HIPK2: variants seen among roughly 807,000 people sequenced by gnomAD.
HIPK2 encodes the protein homeodomain interacting protein kinase 2, also known as homeodomain-interacting protein kinase 2.
Under a neutral mutation model 113.7 loss-of-function variants are expected in HIPK2, and 27 were observed. The observed-to-expected ratio is 0.24, with a 90% CI of 0.17 to 0.33. The LOEUF is 0.33. Among genes scored for constraint, HIPK2 ranks in the 10% least tolerant of loss-of-function variants. The probability of loss-of-function intolerance (pLI) is 1.00; values close to 1 mark genes in which losing one functional copy is unlikely to be tolerated. For synonymous variants in HIPK2, 631 were observed against 642.2 expected (o/e 0.98, Z 0.26); for missense variants, 1,257 against 1,588.0 (o/e 0.79, Z 3.54).
At chr7:139,583,790 T>C in intron 13 of HIPK2, 27 bp downstream of exon 13, 1 of 1,600,554 alleles carries the variant, frequency 6.2e-7, no homozygotes. Context: ...AGGGAGAGGT[T>C]CCTGCCCTGT....
At chr7:139,644,163 T>A (rs1264871319) in intron 2 of HIPK2, among the ~76,000 whole-genome samples, 2 of 152,218 alleles carry the variant, frequency 1.3e-5, no homozygotes, top group East Asian at 3.8e-4. Context: ...TTTTAAATGT[T>A]TTTATCTTTT....
chr7:139,762,035 T>A (rs909677670), intron 1 of HIPK2, among the ~76,000 whole-genome samples: 1 of 152,312 alleles, frequency 6.6e-6, no homozygotes, highest in East Asian at 1.9e-4. Flanking sequence ...GTTATTTCTG[T>A]ACTAAATACA....
At chr7:139,759,344 A>G (rs953237601) in intron 1 of HIPK2, among the ~76,000 whole-genome samples, 2 of 152,242 alleles carry the variant, frequency 1.3e-5, no homozygotes, top group South Asian at 4.1e-4. Context: ...CATGAGTAGA[A>G]TACGGTATAA....
intron 1 of HIPK2, among the ~76,000 whole-genome samples, chr7:139,732,750 T>TAA (rs1795829436): frequency 6.9e-6 from 1 of 145,662 alleles, no homozygotes; most frequent in Non-Finnish European, 1.5e-5. Context: ...TATATATATA[T>TAA]AACTATATAT....
At chr7:139,704,682 C>T (rs1794837881) in intron 2 of HIPK2, among the ~76,000 whole-genome samples, 4 of 152,196 alleles carry the variant, frequency 2.6e-5, no homozygotes. Flanking sequence ...TCTTTGGCAT[C>T]ACTCCAGCCT....
chr7:139,594,073 C>T (rs531760087), intron 12 of HIPK2, among the ~76,000 whole-genome samples: 4 of 152,152 alleles, frequency 2.6e-5, no homozygotes, highest in South Asian at 2.1e-4. Flanking sequence ...TGATCCTGTT[C>T]GCTTGCCTTG....
chr7:139,650,374 A>G (rs1310628391), intron 2 of HIPK2, among the ~76,000 whole-genome samples: 2 of 147,200 alleles, frequency 1.4e-5, no homozygotes, highest in East Asian at 3.9e-4. Context: ...AAAAAAGGAT[A>G]TTTAATTTCT....
intron 2 of HIPK2, among the ~76,000 whole-genome samples, chr7:139,640,226 C>T (rs932752925): frequency 1.3e-5 from 2 of 152,200 alleles, no homozygotes; most frequent in Non-Finnish European, 2.9e-5. Flanking sequence ...AAAATTCTAT[C>T]TTTCTAAAGA....
intron 1 of HIPK2, among the ~76,000 whole-genome samples, chr7:139,775,844 A>G (rs1435886540): frequency 1.3e-5 from 2 of 152,200 alleles, no homozygotes; most frequent in Non-Finnish European, 2.9e-5. Context: ...GCAGTTCCCA[A>G]GATGGCTTTC....
intron 13 of HIPK2, among the ~76,000 whole-genome samples, chr7:139,581,608 G>C (rs1196192301): frequency 1.3e-5 from 2 of 152,206 alleles, no homozygotes; most frequent in Non-Finnish European, 2.9e-5. Context: ...GGGGAGCGCT[G>C]AACTCTCCCA....
At chr7:139,665,950 CTTTTT>C (rs1012816558) in intron 2 of HIPK2, among the ~76,000 whole-genome samples, 1 of 139,532 alleles carries the variant, frequency 7.2e-6, no homozygotes, top group Non-Finnish European at 1.6e-5. Flanking sequence ...GGAGGTCTGC[CTTTTT>C]TTTTTTTTTT....
intron 1 of HIPK2, among the ~76,000 whole-genome samples, chr7:139,742,651 A>G (rs1458138785): frequency 6.6e-6 from 1 of 152,224 alleles, no homozygotes; most frequent in Non-Finnish European, 1.5e-5. Context: ...AATGGACAGC[A>G]GATTTTCTGA....
At position 139,597,278 on chromosome 7, in the gene HIPK2, C is replaced by A. The variant is rs571639876; in HGVS notation, c.2436-280G>T. On this transcript the variant is annotated intron_variant, in intron 11 of 14. Transcript: ENST00000406875. The stretch of plus-strand genomic sequence containing the variant: ...AGGGAGGGGGCTCTTGTGCCCCAGG[C>A]TCTACAGGTCTTGTAGGAGCAGATG... Among the ~76,000 whole-genome samples the A allele has an allele frequency of 2.6e-3, 391 of 152,312 alleles. 2 individuals carry two copies. The highest frequency in any genetic ancestry group is 9.0e-3 in the African/African-American group (376 of 41,554).
At chr7:139,707,066 CCAGGCACACTCCTGGAGGCCT>C (rs944010452) in intron 2 of HIPK2, among the ~76,000 whole-genome samples, 1 of 152,328 alleles carries the variant, frequency 6.6e-6, no homozygotes. Flanking sequence ...TTGGCCCTTC[CCAGGCACACTCCTGGAGGCCT>C]CGGGCAGGCT....
chr7:139,604,031 G>A, intron 10 of HIPK2, 50 bp downstream of exon 10: 1 of 1,611,458 alleles, frequency 6.2e-7, no homozygotes, highest in Non-Finnish European at 8.5e-7. Context: ...CAGTGGACGT[G>A]CCTCCCATCC....
rs1203198162 is a variant in HIPK2, at chr7:139,565,762, C to G, written c.*7165G>C. 6.7e-6 allele frequency: 1 copy of G among 149,246 alleles called. No individual in the cohort carries two copies. Among genetic ancestry groups the G allele is most frequent in the Non-Finnish European group, 1.5e-5 (1 of 67,668 alleles). The allele number at this position is 149,246 out of a possible 1,614,324, so 9.2% of individuals were successfully genotyped here. A position where few individuals can be genotyped will look rare whatever the true frequency, so the allele number is the denominator to read the frequency against. ...ACAGAAAGAAAAAAGTTCCTGGACA[C>G]CAGACCCACATATGGTATTTACAAA... On this transcript the variant is annotated 3_prime_UTR_variant, in exon 15 of 15. Coordinates refer to ENST00000406875, the MANE Select transcript of HIPK2 (RefSeq NM_022740.5).
At chr7:139,575,481 C>T (rs1798460185) in intron 13 of HIPK2, among the ~76,000 whole-genome samples, 193 bp from the exon 14 acceptor site, 2 of 152,216 alleles carry the variant, frequency 1.3e-5, no homozygotes. Flanking sequence ...CTCTGGCTCA[C>T]TCCCTCGGCT....
chr7:139,663,254 A>C lies in HIPK2; in HGVS notation c.1104-31529T>G, dbSNP rs527950849. 6.6e-5 allele frequency among the ~76,000 whole-genome samples: 10 copies of C among 152,288 alleles called. No individual in the cohort carries two copies. The South Asian group carries it at 2.1e-3, about 32-fold the overall frequency. On this transcript the variant is annotated intron_variant, in intron 2 of 14. Transcript: ENST00000406875. ...ACCTTCTTTATACGACATTCATTCA[A>C]ATGCTTACAGCCATGGATTCACAGA... is the stretch of plus-strand genomic sequence containing the variant.
intron 2 of HIPK2, among the ~76,000 whole-genome samples, chr7:139,656,026 C>T (rs1045032629): frequency 2.0e-5 from 3 of 152,138 alleles, no homozygotes; most frequent in South Asian, 2.1e-4. Flanking sequence ...GACCTCAACT[C>T]GCTTTCCAAG....
Sources: gnomAD v4.1 joint callset for allele counts (sites outside exome capture counted in the v4.1 genomes callset) on GRCh38, gnomAD v4.1.1 for gene constraint, MANE v1.5 for transcripts, NCBI Gene and HGNC (gene_info 2026-07-23, HGNC 2026-07-21) for gene names.